Variants in IFT57 observed in about 807,000 individuals in gnomAD.
The protein encoded by IFT57 is intraflagellar transport 57, also known as intraflagellar transport protein 57 homolog.
IFT57 carries 59 observed loss-of-function variants against 56.8 expected under a neutral mutation model. The observed-to-expected ratio is 1.04, with a 90% CI of 0.84 to 1.29. The LOEUF (loss-of-function observed/expected upper bound fraction) is 1.29, where lower values mean the gene tolerates loss of function less well. Among genes scored for constraint, IFT57 ranks in the 50% most tolerant of loss-of-function variants. The pLI is 0.00. For missense variants in IFT57, 470 were observed against 522.1 expected (o/e 0.90, Z 0.97); for synonymous variants, 209 against 186.1 (o/e 1.12, Z -1.00).
intron 6 of IFT57, among the ~76,000 whole-genome samples, chr3:108,169,456 G>A (rs1215544135): frequency 1.3e-5 from 2 of 151,892 alleles, no homozygotes; most frequent in African/African-American, 2.4e-5. Context: ...TTGGATGATA[G>A]TTTCTTTTGC....
chr3:108,176,892 A>G (rs906079584), intron 6 of IFT57, among the ~76,000 whole-genome samples: 1 of 151,828 alleles, frequency 6.6e-6, no homozygotes, highest in African/African-American at 2.4e-5. Context: ...TGTGTTAGGC[A>G]CTATGCTAAG....
rs1180594847 is a variant in IFT57, at chr3:108,167,848, A to G, written c.794T>C (p.Val265Ala). 8.2e-6 allele frequency: 13 copies of G among 1,594,322 alleles called. No homozygotes were observed. Among genetic ancestry groups the G allele is most frequent in the Non-Finnish European group, 1.0e-5 (12 of 1,170,792 alleles). The change falls in exon 7 of 11, where the codon GTT (valine) becomes GCT (alanine). Residue 265 changes from valine to alanine, a missense_variant. Physicochemically the swap from Val to Ala is moderately conservative, Grantham distance 64. Transcript: ENST00000264538. ...ACTTCTGTGCTGGTGCATTTGGTCAACATGGATTCTCCAATCCTACAGGCA... is the reference window on the plus strand; with the variant it reads ...ACTTCTGTGCTGGTGCATTTGGTCAGCATGGATTCTCCAATCCTACAGGCA... ...RTDNKDWRIHVDQMHQHRSGI... is the reference protein window; with the variant it reads ...RTDNKDWRIHADQMHQHRSGI...
chr3:108,163,709 CT>C lies in IFT57; in HGVS notation c.1064del (p.Lys355ArgfsTer2), dbSNP rs1422094747. On this transcript the variant is annotated frameshift_variant, in exon 10 of 11. Transcript: ENST00000264538. LOFTEE classifies it high-confidence loss of function. ...LLSEVMEELE[K>X]VKQEMEEKGS... The stretch of plus-strand genomic sequence containing the variant: ...CCTTTTCTTCCATTTCTTGTTTTAC[CT>C]TTTCTAATTCTTCCATAACCTTTCA... 6.2e-7 allele frequency: 1 copy of C among 1,609,074 alleles called. No homozygotes were observed. Among genetic ancestry groups the C allele is most frequent in the African/African-American group, 1.3e-5 (1 of 74,700 alleles).
In IFT57 at chr3:108,218,529, T is replaced by G. The variant is rs375007957; in HGVS notation, c.494+6A>C. On this transcript the variant is annotated splice_donor_region_variant and intron_variant, in intron 3 of 10. Transcript: ENST00000264538. ...AATTACTATCATCAGGGTGGGTAAT[T>G]TTTACCTTTTCCAGGTGAAACCAAT... 1.0e-5 allele frequency: 15 copies of G among 1,434,292 alleles called. No homozygotes were observed. The highest frequency in any genetic ancestry group is 2.2e-5 in the Admixed American group (1 of 46,254). The allele number at this position is 1,434,292 out of a possible 1,614,324, so 88.8% of individuals were successfully genotyped here.
intron 1 of IFT57, among the ~76,000 whole-genome samples, chr3:108,220,918 C>T (rs2080402735): frequency 2.6e-5 from 4 of 152,150 alleles, no homozygotes; most frequent in Admixed American, 2.6e-4. Flanking sequence ...CAAGAGATGA[C>T]ATCAACAGAA....
In IFT57 at chr3:108,191,510, C is replaced by T; in HGVS notation, c.777+11G>A. 6.5e-7 allele frequency: 1 copy of T among 1,536,644 alleles called. No homozygotes were observed. The highest frequency in any genetic ancestry group is 8.7e-7 in the Non-Finnish European group (1 of 1,145,676). On this transcript the variant is annotated intron_variant, in intron 6 of 10. Transcript: ENST00000264538. ...TTTTTTTTTTAAGAAAATGTGTTCC[C>T]ACTTTGATACCTTATTGTCAGTCCT...
At chr3:108,183,475 A>C (rs1219241703) in intron 6 of IFT57, among the ~76,000 whole-genome samples, 1 of 152,122 alleles carries the variant, frequency 6.6e-6, no homozygotes, top group African/African-American at 2.4e-5. Context: ...GACCAACCAG[A>C]CCAAGCCAAA....
At position 108,167,865 on chromosome 3, in the gene IFT57, C is replaced by G; in HGVS notation, c.778-1G>C. 1.3e-6 allele frequency: 2 copies of G among 1,586,540 alleles called. No individual in the cohort carries two copies. Among genetic ancestry groups the G allele is most frequent in the Non-Finnish European group, 1.7e-6 (2 of 1,166,222 alleles). On this transcript the variant is annotated splice_acceptor_variant, in intron 6 of 10. Transcript: ENST00000264538. LOFTEE classifies it high-confidence loss of function. ...TTTGGTCAACATGGATTCTCCAATC[C>G]TACAGGCATAGAGCACATAGAAATA...
rs2080096456 is a variant in IFT57 at position 108,172,126 on chromosome 3, T to C, written c.778-4262A>G. On this transcript the variant is annotated intron_variant, in intron 6 of 10. Coordinates refer to ENST00000264538, the MANE Select transcript of IFT57 (RefSeq NM_018010.4). ...CTGACTCATTTAGGTATAACTACGATAGTGTACACTGATGTAAAACTCCAT... is the reference window on the plus strand; with the variant it reads ...CTGACTCATTTAGGTATAACTACGACAGTGTACACTGATGTAAAACTCCAT... 2.0e-5 allele frequency among the ~76,000 whole-genome samples: 3 copies of C among 151,902 alleles called. No homozygotes were observed. The South Asian group carries it at 6.2e-4, about 31-fold the overall frequency.
intron 4 of IFT57, among the ~76,000 whole-genome samples, chr3:108,210,741 A>T (rs189264433): frequency 1.5e-3 from 234 of 152,298 alleles, no homozygotes; most frequent in African/African-American, 5.1e-3. Flanking sequence ...AGAGAGGAGT[A>T]GAAGTAAAAG....
At chr3:108,187,906 G>T (rs1280269657) in intron 6 of IFT57, among the ~76,000 whole-genome samples, 3 of 150,184 alleles carry the variant, frequency 2.0e-5, no homozygotes, top group African/African-American at 4.9e-5. Context: ...TGAGTGAAAG[G>T]TTATTATTTT....
chr3:108,202,262 G>C lies in IFT57; in HGVS notation c.654+4366C>G, dbSNP rs1349690. Among the ~76,000 whole-genome samples, 624 of 152,268 alleles carry C rather than the reference G, an allele frequency of 4.1e-3. 5 individuals are homozygous for C. The highest frequency in any genetic ancestry group is 0.014 in the African/African-American group (591 of 41,558). On this transcript the variant is annotated intron_variant, in intron 5 of 10. Transcript: ENST00000264538. ...TTCTGTTGAGTTTCACAAGGGTGAA[G>C]GGAGATACAAAGACTACTCATAATT...
chr3:108,199,246 TA>T (rs2080263705), intron 5 of IFT57, among the ~76,000 whole-genome samples: 1 of 152,214 alleles, frequency 6.6e-6, no homozygotes, highest in Admixed American at 6.5e-5. Flanking sequence ...AATAAGCAGG[TA>T]AAAATAAAAT....
In IFT57 at chr3:108,167,842, T is replaced by C; in HGVS notation, c.800A>G (p.Gln267Arg). 1 of 1,593,916 alleles carries C rather than the reference T, an allele frequency of 6.3e-7. No individual in the cohort carries two copies. Among genetic ancestry groups the C allele is most frequent in the Non-Finnish European group, 8.5e-7 (1 of 1,170,674 alleles). ...DNKDWRIHVD[Q>R]MHQHRSGIES... ...AATTCCACTTCTGTGCTGGTGCATT[T>C]GGTCAACATGGATTCTCCAATCCTA... The change falls in exon 7 of 11, where the codon CAA becomes CGA. Residue 267 changes from glutamine to arginine, a missense_variant. Coordinates refer to ENST00000264538, the MANE Select transcript of IFT57 (RefSeq NM_018010.4).
At chr3:108,172,030 C>T (rs560593075) in intron 6 of IFT57, among the ~76,000 whole-genome samples, 51 of 151,774 alleles carry the variant, frequency 3.4e-4, no homozygotes, top group Non-Finnish European at 6.2e-4. Flanking sequence ...GCTATTTCTA[C>T]CCAGCATTAT....
rs144520993 is a variant in IFT57, at chr3:108,161,587, A to G, written c.*890T>C. ...TCTCCTGCTTTGTGTTCCCCTGGCC[A>G]GTTTTCCCCAGTGCTAATTCTGGCA... On this transcript the variant is annotated 3_prime_UTR_variant, in exon 11 of 11. Coordinates refer to ENST00000264538, the MANE Select transcript of IFT57 (RefSeq NM_018010.4). 4 of 152,164 alleles carry G rather than the reference A, an allele frequency of 2.6e-5. No homozygotes were observed. The highest frequency in any genetic ancestry group is 9.6e-5 in the African/African-American group (4 of 41,524). The allele number at this position is 152,164 out of a possible 1,614,324, so 9.4% of individuals were successfully genotyped here.
At chr3:108,211,250 T>C (rs1158630881) in intron 4 of IFT57, among the ~76,000 whole-genome samples, 1 of 152,238 alleles carries the variant, frequency 6.6e-6, no homozygotes, top group African/African-American at 2.4e-5. Flanking sequence ...TAGAACCAGG[T>C]ATCTGTTCAT....
intron 6 of IFT57, among the ~76,000 whole-genome samples, chr3:108,183,907 G>C (rs1243736100): frequency 6.6e-6 from 1 of 152,026 alleles, no homozygotes; most frequent in African/African-American, 2.4e-5. Flanking sequence ...TATGGAACAT[G>C]GAGAATTCTT....
intron 6 of IFT57, among the ~76,000 whole-genome samples, chr3:108,188,581 T>A (rs1292205342): frequency 6.6e-6 from 1 of 152,228 alleles, no homozygotes; most frequent in Non-Finnish European, 1.5e-5. Flanking sequence ...TTATCTGATA[T>A]TTTGGAATGC....
Sources: allele counts gnomAD v4.1 joint callset (sites outside exome capture counted in the v4.1 genomes callset), GRCh38; gene constraint gnomAD v4.1.1; transcripts MANE v1.5; gene names NCBI Gene and HGNC (gene_info 2026-07-23, HGNC 2026-07-21).